The following ATP7A variants were observed in gnomAD, a reference collection of about 807,000 sequenced individuals.
The protein encoded by ATP7A is ATPase copper transporting alpha.
In ATP7A, 7 loss-of-function variants were observed where a neutral mutation model predicts 83.5. The ratio of observed to expected loss-of-function variants is 0.08; its 90% CI spans 0.05 to 0.16. The LOEUF (loss-of-function observed/expected upper bound fraction) is 0.16. ATP7A is among the 10% of genes least tolerant of loss of function. ATP7A has a pLI of 1.00. For missense variants in ATP7A, 940 were observed against 1,120.8 expected (o/e 0.84, Z 2.30); for synonymous variants, 354 against 395.2 (o/e 0.90, Z 1.24).
chrX:77,971,770 C>G lies in ATP7A; in HGVS notation c.120+9C>G. On this transcript the variant is annotated intron_variant, in intron 2 of 22. Coordinates refer to ENST00000341514, the MANE Select transcript of ATP7A (RefSeq NM_000052.7). ...GTGTGCATCACATTAAGGTAAGTTA[C>G]TCTTTGGAAACTGAAGTCAAATGCC... The G allele has an allele frequency of 8.3e-7, 1 of 1,210,263 alleles. No homozygotes were observed. Among genetic ancestry groups the G allele is most frequent in the Non-Finnish European group, 1.1e-6 (1 of 894,488 alleles).
intron 4 of ATP7A, among the ~76,000 whole-genome samples, chrX:77,992,237 G>C (rs1038975151): frequency 9.3e-6 from 1 of 107,916 alleles, no homozygotes; most frequent in Non-Finnish European, 1.9e-5. Flanking sequence ...GCTAATTTTT[G>C]TATTTTTAGT....
chrX:77,923,661 A>G (rs142353884), intron 1 of ATP7A: 197 of 105,272 alleles, frequency 1.9e-3, no homozygotes, highest in African/African-American at 6.5e-3. Context: ...ATTCATATTC[A>G]TACCGCTTTC....
At position 78,033,608 on chromosome X, in the gene ATP7A, C is replaced by G. The variant is rs1557237413; in HGVS notation, c.3298C>G (p.Leu1100Val). 8.3e-7 allele frequency: 1 copy of G among 1,210,892 alleles called. No homozygotes were observed. Among genetic ancestry groups the G allele is most frequent in the East Asian group, 3.0e-5 (1 of 33,868 alleles). Residue 1100 changes from leucine to valine, a missense_variant, in exon 17 of 23, where the codon CTG (leucine) becomes GTG (valine). By Grantham distance (32) the Leu-to-Val change is conservative. Coordinates refer to ENST00000341514, the MANE Select transcript of ATP7A (RefSeq NM_000052.7). ...TAITKYCKQE[L>V]DTETLGTCID... is the part of the protein sequence containing the mutation. The stretch of plus-strand genomic sequence containing the variant: ...TCCTTTTGTTTCTGTTTGTTAGGAG[C>G]TGGACACTGAAACCTTGGGTACCTG...
At chrX:78,001,897 T>C (rs2077740731) in intron 5 of ATP7A, among the ~76,000 whole-genome samples, 1 of 111,343 alleles carries the variant, frequency 9.0e-6, no homozygotes, top group African/African-American at 3.3e-5. Flanking sequence ...GGTTAACAAG[T>C]TGCGTGGGAC....
intron 5 of ATP7A, among the ~76,000 whole-genome samples, chrX:77,999,761 G>T (rs1226079937): frequency 9.0e-6 from 1 of 110,798 alleles, no homozygotes; most frequent in African/African-American, 3.3e-5. Context: ...AAAATTAGCT[G>T]GGTGTAGTGG....
At chrX:77,954,891 T>C (rs782488512) in intron 1 of ATP7A, among the ~76,000 whole-genome samples, 160 of 111,847 alleles carry the variant, frequency 1.4e-3, no homozygotes, top group African/African-American at 4.4e-3. Context: ...TATTGAATTA[T>C]TTCAGTTTCA....
intron 1 of ATP7A, among the ~76,000 whole-genome samples, chrX:77,935,739 G>A (rs1401123646): frequency 8.9e-6 from 1 of 112,048 alleles, no homozygotes; most frequent in Non-Finnish European, 1.9e-5. Flanking sequence ...CCAGAGCCAG[G>A]ATTTGACACC....
chrX:77,919,651 C>T (rs1174981824), intron 1 of ATP7A, among the ~76,000 whole-genome samples: 1 of 112,012 alleles, frequency 8.9e-6, no homozygotes, highest in Non-Finnish European at 1.9e-5. Flanking sequence ...CCACCCCTGG[C>T]TAATTTTTGT....
intron 17 of ATP7A, among the ~76,000 whole-genome samples, chrX:78,036,647 G>A (rs1173729824): frequency 2.7e-5 from 3 of 111,647 alleles, no homozygotes; most frequent in African/African-American, 9.8e-5. Flanking sequence ...TTGGGAGGCT[G>A]AGGCGGGTGG....
intron 19 of ATP7A, 140 bp from the exon 20 acceptor site, chrX:78,042,445 C>A: frequency 1.6e-6 from 1 of 639,023 alleles, no homozygotes; most frequent in Non-Finnish European, 2.5e-6. Flanking sequence ...CATTTCTCCA[C>A]ATCCTTGCTA....
At chrX:77,939,609 C>T (rs1178359570) in intron 1 of ATP7A, among the ~76,000 whole-genome samples, 1 of 110,735 alleles carries the variant, frequency 9.0e-6, no homozygotes, top group East Asian at 2.8e-4. Flanking sequence ...TTAATTTATA[C>T]ATTCTATAGA....
At chrX:77,999,737 C>T (rs2077726915) in intron 5 of ATP7A, among the ~76,000 whole-genome samples, 1 of 110,596 alleles carries the variant, frequency 9.0e-6, no homozygotes, top group Non-Finnish European at 1.9e-5. Context: ...AACCCCATCT[C>T]TACTAAAAAT....
chrX:77,928,539 G>C (rs2077255556), intron 1 of ATP7A, among the ~76,000 whole-genome samples: 1 of 110,946 alleles, frequency 9.0e-6, no homozygotes, highest in Admixed American at 9.7e-5. Flanking sequence ...CCTTTCCAGA[G>C]CTGAGAATGT....
chrX:78,027,710 T>A (rs1199893485), intron 14 of ATP7A, among the ~76,000 whole-genome samples: 1 of 111,820 alleles, frequency 8.9e-6, no homozygotes, highest in Non-Finnish European at 1.9e-5. Context: ...GCTATAGTAA[T>A]CAAAAGCATG....
chrX:78,020,693 T>A (rs191474573), intron 13 of ATP7A, among the ~76,000 whole-genome samples: 35 of 109,605 alleles, frequency 3.2e-4, no homozygotes, highest in East Asian at 2.0e-3. Flanking sequence ...ATTAAAAAAA[T>A]TTTTTTTTAT....
chrX:78,043,563 G>T (rs979120793), intron 21 of ATP7A, 129 bp downstream of exon 21: 4 of 517,722 alleles, frequency 7.7e-6, no homozygotes, highest in Admixed American at 2.7e-5. Flanking sequence ...ATGGTGAGAG[G>T]TAATGTTAAA....
intron 1 of ATP7A, among the ~76,000 whole-genome samples, chrX:77,948,760 A>G (rs782708354): frequency 2.7e-5 from 3 of 112,173 alleles, no homozygotes; most frequent in East Asian, 2.8e-4. Context: ...CAATGGAAAC[A>G]TGGTAGAAAC....
At position 78,048,877 on chromosome X, in the gene ATP7A, T is replaced by C. The variant is rs2078096726; in HGVS notation, c.*2307T>C. Reference sequence around the variant, plus strand: ...TCTCCCTCCCACCCACCTCAAGCAGTTGAACACAGCCAGTTATTCTTCCAT... The same window carrying C: ...TCTCCCTCCCACCCACCTCAAGCAGCTGAACACAGCCAGTTATTCTTCCAT... On this transcript the variant is annotated 3_prime_UTR_variant, in exon 23 of 23. Transcript: ENST00000341514. 1 of 111,493 alleles carries C rather than the reference T, an allele frequency of 9.0e-6. No individual in the cohort carries two copies. Among genetic ancestry groups the C allele is most frequent in the Non-Finnish European group, 1.9e-5 (1 of 53,094 alleles). The allele number at this position is 111,493 out of a possible 1,213,427, so 9.2% of individuals were successfully genotyped here.
intron 1 of ATP7A, chrX:77,924,341 A>T (rs1442451892): frequency 4.5e-5 from 5 of 112,309 alleles, no homozygotes; most frequent in Non-Finnish European, 9.4e-5. Context: ...TTGAATTAGC[A>T]CACAGTTTAT....
Sources: gnomAD v4.1 joint callset for allele counts (sites outside exome capture counted in the v4.1 genomes callset) on GRCh38, gnomAD v4.1.1 for gene constraint, MANE v1.5 for transcripts, NCBI Gene and HGNC (gene_info 2026-07-23, HGNC 2026-07-21) for gene names.